Variants in DDX52 observed in about 807,000 individuals in gnomAD.
The protein encoded by DDX52 is probable ATP-dependent RNA helicase DDX52.
A neutral mutation model predicts 76.1 loss-of-function variants in DDX52; 59 were observed. The observed-to-expected ratio is 0.78, with a 90% CI of 0.63 to 0.96. The LOEUF (loss-of-function observed/expected upper bound fraction) is 0.96. Among genes scored for constraint, DDX52 ranks in the 40% least tolerant of loss-of-function variants. DDX52 has a pLI of 0.00. For synonymous variants in DDX52, 231 were observed against 244.1 expected, an observed-to-expected ratio of 0.95 and a Z score of 0.50; for missense variants, 707 against 703.9, an observed-to-expected ratio of 1.00 and a Z score of -0.05.
At position 37,619,770 on chromosome 17, in the gene DDX52, T is replaced by C. The variant is rs148732916; in HGVS notation, c.1647A>G (p.Leu549=). ...PEYIKGFQKL[L]SKQKKKMIKK... is the part of the protein sequence containing the mutation. Reference sequence around the variant, plus strand: ...TACAGGTAAATTCAAGATTGTACCTTAGTAGTTTCTGAAAACCTTTTATGT... The same window carrying C: ...TACAGGTAAATTCAAGATTGTACCTCAGTAGTTTCTGAAAACCTTTTATGT... Residue 549 remains leucine, a splice_region_variant and synonymous_variant, in exon 13 of 15, where the codon CTA becomes CTG. Coordinates refer to ENST00000617633, the MANE Select transcript of DDX52 (RefSeq NM_007010.5). 8.0e-5 allele frequency: 129 copies of C among 1,613,188 alleles called. No individual in the cohort carries two copies. Among genetic ancestry groups the C allele is most frequent in the Non-Finnish European group, 1.1e-4 (124 of 1,179,606 alleles).
chr17:37,632,032 A>T, intron 4 of DDX52, 81 bp downstream of exon 4: 1 of 1,582,524 alleles, frequency 6.3e-7, no homozygotes, highest in Non-Finnish European at 8.7e-7. Flanking sequence ...GTGGAAAGAA[A>T]GAGTTCAAGA....
intron 12 of DDX52, 69 bp from the exon 13 acceptor site, chr17:37,619,908 T>G: frequency 6.7e-7 from 1 of 1,489,702 alleles, no homozygotes; most frequent in Non-Finnish European, 9.3e-7. Context: ...GTAAACCCTC[T>G]GCACAACCTT....
At chr17:37,634,786 TG>T (rs2030854648) in intron 2 of DDX52, among the ~76,000 whole-genome samples, 1 of 152,022 alleles carries the variant, frequency 6.6e-6, no homozygotes, top group Admixed American at 6.6e-5. Context: ...ACAGTTTGTA[TG>T]GGAGAATAAA....
rs758886994 is a variant in DDX52, at chr17:37,618,356, G to T, written c.1678C>A (p.Pro560Thr). 2 of 1,588,312 alleles carry T rather than the reference G, an allele frequency of 1.3e-6. No homozygotes were observed. The highest frequency in any genetic ancestry group is 3.7e-5 in the Admixed American group (2 of 53,798). Residue 560 changes from proline (P) to threonine (T), a missense_variant, in exon 14 of 15, where the codon CCA becomes ACA. Transcript: ENST00000617633. ...SKQKKKMIKK[P>T]LERESISTTP... ...GTACTAATGCTCTCCCTTTCCAATG[G>T]TTTCTTAATCATCTTTTTCTTTTGT...
intron 14 of DDX52, among the ~76,000 whole-genome samples, chr17:37,615,717 T>C (rs911738613): frequency 1.3e-5 from 2 of 151,858 alleles, no homozygotes; most frequent in African/African-American, 2.4e-5. Context: ...ATAAATGCTA[T>C]AAACTTATAA....
chr17:37,611,164 C>A lies in DDX52; in HGVS notation c.*3132G>T, dbSNP rs556253894. On this transcript the variant is annotated 3_prime_UTR_variant, in exon 15 of 15. Coordinates refer to ENST00000617633, the MANE Select transcript of DDX52 (RefSeq NM_007010.5). ...GTGATGCTTTAGCATCATGGCCTTACATCTAACAGAGCACTTGCCACACTA... is the reference window on the plus strand; with the variant it reads ...GTGATGCTTTAGCATCATGGCCTTAAATCTAACAGAGCACTTGCCACACTA... 2 of 152,330 alleles carry A rather than the reference C, an allele frequency of 1.3e-5. No individual in the cohort carries two copies. Among genetic ancestry groups the A allele is most frequent in the East Asian group, 1.9e-4 (1 of 5,190 alleles). The allele number at this position is 152,330 out of a possible 1,614,324, so 9.4% of individuals were successfully genotyped here. A position where few individuals can be genotyped will look rare whatever the true frequency, so the allele number is the denominator to read the frequency against.
chr17:37,624,313 A>C, intron 9 of DDX52, 31 bp downstream of exon 9: 1 of 1,574,908 alleles, frequency 6.3e-7, no homozygotes, highest in Admixed American at 1.7e-5. Flanking sequence ...GGCAAACTTT[A>C]CCAAAATTCA....
intron 1 of DDX52, chr17:37,642,604 C>A: frequency 3.1e-6 from 1 of 321,558 alleles, no homozygotes; most frequent in Non-Finnish European, 5.6e-6. Flanking sequence ...AGCAGTATTA[C>A]GAATGAGAAA....
intron 6 of DDX52, among the ~76,000 whole-genome samples, chr17:37,627,686 T>G (rs1257066607): frequency 1.4e-5 from 2 of 147,342 alleles, no homozygotes; most frequent in African/African-American, 2.5e-5. Context: ...TATCTCCAAG[T>G]GGACAATGTC....
intron 14 of DDX52, among the ~76,000 whole-genome samples, chr17:37,617,158 G>T (rs1248847588): frequency 2.0e-5 from 3 of 152,168 alleles, no homozygotes; most frequent in Non-Finnish European, 4.4e-5. Flanking sequence ...CCACCACCAA[G>T]TACCTTGCAG....
At chr17:37,628,362 G>T (rs2030495260) in intron 6 of DDX52, among the ~76,000 whole-genome samples, 199 bp downstream of exon 6, 1 of 152,142 alleles carries the variant, frequency 6.6e-6, no homozygotes, top group Non-Finnish European at 1.5e-5. Context: ...GGGCAAGATT[G>T]TCTCTATTTG....
In DDX52 at chr17:37,611,129, A is replaced by G. The variant is rs978762329; in HGVS notation, c.*3167T>C. The G allele has an allele frequency of 1.3e-5, 2 of 152,220 alleles. No individual in the cohort carries two copies. Among genetic ancestry groups the G allele is most frequent in the Non-Finnish European group, 2.9e-5 (2 of 68,050 alleles). 9.4% of individuals were successfully genotyped at this position (152,220 alleles called of 1,614,324 possible). On this transcript the variant is annotated 3_prime_UTR_variant, in exon 15 of 15. Coordinates refer to ENST00000617633, the MANE Select transcript of DDX52 (RefSeq NM_007010.5). ...CCATGACATCCCCAATCTGGGTTAG[A>G]TGCCCTCTTGTGATGCTTTAGCATC...
chr17:37,635,913 A>G lies in DDX52; in HGVS notation c.287-2495T>C, dbSNP rs536204065. On this transcript the variant is annotated intron_variant, in intron 2 of 14. Coordinates refer to ENST00000617633, the MANE Select transcript of DDX52 (RefSeq NM_007010.5). ...TCTAATGGGTATGTAGTAGTACTGT[A>G]TTGTGGTTTTAATTTGCCTGATGGC... Among the ~76,000 whole-genome samples the G allele has an allele frequency of 1.6e-4, 24 of 152,112 alleles. No individual in the cohort carries two copies. In the South Asian group the frequency reaches 2.3e-3, roughly 14 times the overall value.
Position 37,626,023 on chromosome 17 carries a change from A to G in DDX52, c.1008T>C (p.Ala336=). ...GGGATGTGCAGGCCAGGAAAATGGA[A>G]GCCAGCTGGTCTCTGAACCCAGTTT... ...DGKTGFRDQL[A]SIFLACTSHK... Residue 336 remains alanine, a synonymous_variant, in exon 8 of 15, where the codon GCT becomes GCC. Transcript: ENST00000617633. 6.2e-7 allele frequency: 1 copy of G among 1,614,214 alleles called. No homozygotes were observed. The highest frequency in any genetic ancestry group is 8.5e-7 in the Non-Finnish European group (1 of 1,180,046).
At chr17:37,642,337 C>T (rs964402062) in intron 1 of DDX52, 29 bp from the exon 2 acceptor site, 8 of 1,591,024 alleles carry the variant, frequency 5.0e-6, no homozygotes, top group Non-Finnish European at 6.9e-6. Flanking sequence ...AAAATGAAAC[C>T]TACTGACAGA....
At chr17:37,626,985 A>G (rs2030415105) in intron 6 of DDX52, 125 bp from the exon 7 acceptor site, 2 of 686,702 alleles carry the variant, frequency 2.9e-6, no homozygotes, top group Admixed American at 3.0e-5. Context: ...ACAACACAAA[A>G]CTATTATATC....
chr17:37,620,082 C>G (rs912550767), intron 12 of DDX52: 6 of 408,728 alleles, frequency 1.5e-5, no homozygotes, highest in African/African-American at 1.0e-4. Context: ...ATTTATCAAG[C>G]CCTACAAAAC....
Position 37,618,372 on chromosome 17 carries a change from T to A in DDX52, c.1662A>T (p.Lys554Asn). ...TTTCCAATGGTTTCTTAATCATCTT[T>A]TTCTTTTGTTTGCTGAAAGTTACAA... ...GFQKLLSKQK[K>N]KMIKKPLERE... Residue 554 changes from lysine to asparagine, a missense_variant, in exon 14 of 15, where the codon AAA (lysine) becomes AAT (asparagine). Coordinates refer to ENST00000617633, the MANE Select transcript of DDX52 (RefSeq NM_007010.5). 1 of 1,585,326 alleles carries A rather than the reference T, an allele frequency of 6.3e-7. No homozygotes were observed. The highest frequency in any genetic ancestry group is 8.5e-7 in the Non-Finnish European group (1 of 1,171,926).
chr17:37,633,956 T>G (rs1337625413), intron 2 of DDX52, among the ~76,000 whole-genome samples: 4 of 150,270 alleles, frequency 2.7e-5, no homozygotes, highest in East Asian at 2.0e-4. Flanking sequence ...TTTTTTTTTT[T>G]TTTGTTTGAG....
Sources: allele counts gnomAD v4.1 joint callset (sites outside exome capture counted in the v4.1 genomes callset), GRCh38; gene constraint gnomAD v4.1.1; transcripts MANE v1.5; gene names NCBI Gene and HGNC (gene_info 2026-07-23, HGNC 2026-07-21).